ABLIM1: variants seen among roughly 807,000 people sequenced by gnomAD.
The protein encoded by ABLIM1 is actin binding LIM protein 1.
Under a neutral mutation model 107.0 loss-of-function variants are expected in ABLIM1, and 40 were observed. The ratio of observed to expected loss-of-function variants is 0.37; its 90% CI spans 0.29 to 0.49. ABLIM1 has a LOEUF of 0.49. ABLIM1 is among the 20% of genes least tolerant of loss of function. ABLIM1 has a pLI of 0.97. For synonymous variants in ABLIM1, 357 were observed against 357.3 expected (o/e 1.00, Z 0.01); for missense variants, 857 against 1,008.5 (o/e 0.85, Z 2.04).
chr10:114,641,913 C>CA (rs2078771219), intron 1 of ABLIM1, among the ~76,000 whole-genome samples: 1 of 148,156 alleles, frequency 6.7e-6, no homozygotes, highest in Non-Finnish European at 1.5e-5. Flanking sequence ...GACAAGGTAT[C>CA]ACTCTGTTAC....
chr10:114,746,396 A>T (rs2082386042), intron 1 of ABLIM1, among the ~76,000 whole-genome samples: 1 of 152,160 alleles, frequency 6.6e-6, no homozygotes, highest in Admixed American at 6.5e-5. Flanking sequence ...AATTCCATCC[A>T]TATTGTTGCA....
intron 6 of ABLIM1, 105 bp from the exon 7 acceptor site, chr10:114,491,983 G>T (rs2059062513): frequency 3.1e-6 from 3 of 975,162 alleles, no homozygotes; most frequent in Non-Finnish European, 4.5e-6. Flanking sequence ...GCTGAAAAAG[G>T]AAAAATAATT....
At chr10:114,561,857 T>C (rs1212618996) in intron 4 of ABLIM1, among the ~76,000 whole-genome samples, 1 of 152,206 alleles carries the variant, frequency 6.6e-6, no homozygotes, top group Non-Finnish European at 1.5e-5. Context: ...GTTGCACCCA[T>C]TCCCTATAAA....
chr10:114,747,948 G>A (rs936212255), intron 1 of ABLIM1, among the ~76,000 whole-genome samples: 5 of 152,196 alleles, frequency 3.3e-5, no homozygotes, highest in Admixed American at 1.3e-4. Context: ...GCTGAGGCAC[G>A]AGAATCGCTT....
At chr10:114,654,396 A>C (rs1246821342) in intron 1 of ABLIM1, among the ~76,000 whole-genome samples, 4 of 152,218 alleles carry the variant, frequency 2.6e-5, no homozygotes, top group Non-Finnish European at 5.9e-5. Context: ...TGAAATTAAC[A>C]TTTAGTGGAT....
At chr10:114,441,624 A>G in intron 18 of ABLIM1, 98 bp downstream of exon 18, 7 of 1,147,580 alleles carry the variant, frequency 6.1e-6, no homozygotes, top group Non-Finnish European at 9.1e-6. Context: ...TCCAACACTG[A>G]GATCAAGAGT....
intron 6 of ABLIM1, among the ~76,000 whole-genome samples, chr10:114,523,579 G>C (rs2064122270): frequency 6.6e-6 from 1 of 151,556 alleles, no homozygotes; most frequent in Non-Finnish European, 1.5e-5. Context: ...TAATTTCTGG[G>C]CCTTATGAAG....
rs370885136 is a variant in ABLIM1, at chr10:114,468,356, T to C, written c.1276-140A>G. On this transcript the variant is annotated intron_variant, in intron 10 of 22. Coordinates refer to ENST00000533213, the MANE Select transcript of ABLIM1 (RefSeq NM_002313.7). Reference sequence around the variant, plus strand: ...GTGGCGCAATCTCGGTTTACTGCAATCTCCGCCTCCCAGGTTCAAGCGATT... The same window carrying C: ...GTGGCGCAATCTCGGTTTACTGCAACCTCCGCCTCCCAGGTTCAAGCGATT... 588 of 709,550 alleles carry C rather than the reference T, an allele frequency of 8.3e-4. 3 individuals are homozygous for C. The African/African-American group carries it at 8.8e-3, about 11-fold the overall frequency. 44.0% of individuals were successfully genotyped at this position (709,550 alleles called of 1,614,324 possible).
chr10:114,492,634 A>G (rs1005076295), intron 6 of ABLIM1, among the ~76,000 whole-genome samples: 26 of 152,372 alleles, frequency 1.7e-4, no homozygotes, highest in Non-Finnish European at 2.5e-4. Flanking sequence ...CATGCTTGAC[A>G]AGAACAAATC....
chr10:114,654,622 T>C (rs563714137), intron 1 of ABLIM1, among the ~76,000 whole-genome samples: 63 of 152,210 alleles, frequency 4.1e-4, no homozygotes, highest in African/African-American at 1.4e-3. Context: ...AGGTTCTCAT[T>C]TAGTTCTCAT....
chr10:114,651,608 G>T (rs1482920343), intron 1 of ABLIM1, among the ~76,000 whole-genome samples: 1 of 152,092 alleles, frequency 6.6e-6, no homozygotes, highest in Non-Finnish European at 1.5e-5. Flanking sequence ...AGCTTGAAAC[G>T]TATGATTCTG....
At chr10:114,517,932 C>T (rs1198886278) in intron 6 of ABLIM1, among the ~76,000 whole-genome samples, 4 of 152,006 alleles carry the variant, frequency 2.6e-5, no homozygotes, top group Admixed American at 6.6e-5. Context: ...ACGAACAAGA[C>T]ATCATCTGTG....
the ABLIM1 span, among the ~76,000 whole-genome samples, chr10:114,789,072 T>C: frequency 8.2e-4 from 125 of 152,132 alleles, no homozygotes; most frequent in South Asian, 9.6e-3. Context: ...CTGGTCAATA[T>C]GGTGAAACCC....
At chr10:114,549,846 C>T (rs1274159924) in intron 4 of ABLIM1, among the ~76,000 whole-genome samples, 1 of 152,118 alleles carries the variant, frequency 6.6e-6, no homozygotes, top group African/African-American at 2.4e-5. Flanking sequence ...GTAAAAAAAG[C>T]AGGCCATAGA....
At chr10:114,654,882 G>C (rs1566185173) in intron 1 of ABLIM1, among the ~76,000 whole-genome samples, 1 of 152,210 alleles carries the variant, frequency 6.6e-6, no homozygotes, top group East Asian at 1.9e-4. Context: ...TTGGGGCCCT[G>C]GAGCTGGCTC....
chr10:114,512,650 C>T (rs2062045894), intron 6 of ABLIM1, among the ~76,000 whole-genome samples: 1 of 152,080 alleles, frequency 6.6e-6, no homozygotes, highest in Non-Finnish European at 1.5e-5. Flanking sequence ...CATGATGAAA[C>T]CCTGTCTCTA....
At chr10:114,567,892 T>TA (rs2070994121) in intron 4 of ABLIM1, among the ~76,000 whole-genome samples, 1 of 152,138 alleles carries the variant, frequency 6.6e-6, no homozygotes, top group South Asian at 2.1e-4. Flanking sequence ...GATTCACATT[T>TA]AAAAAAGGCT....
intron 6 of ABLIM1, among the ~76,000 whole-genome samples, chr10:114,539,713 A>G (rs2137274173): frequency 6.6e-6 from 1 of 152,278 alleles, no homozygotes; most frequent in African/African-American, 2.4e-5. Flanking sequence ...GTACCCTGGA[A>G]AGGATGTCTG....
chr10:114,436,218 C>T lies in ABLIM1; in HGVS notation c.*42G>A. ...CAATATGACATCCTATGGGGCACCGCCACTGTCAGTCCTTTCTCTAATTGC... is the reference window on the plus strand; with the variant it reads ...CAATATGACATCCTATGGGGCACCGTCACTGTCAGTCCTTTCTCTAATTGC... On this transcript the variant is annotated 3_prime_UTR_variant, in exon 23 of 23. Coordinates refer to ENST00000533213, the MANE Select transcript of ABLIM1 (RefSeq NM_002313.7). 6.5e-7 allele frequency: 1 copy of T among 1,530,462 alleles called. No homozygotes were observed. The highest frequency in any genetic ancestry group is 9.0e-7 in the Non-Finnish European group (1 of 1,106,840). The allele number at this position is 1,530,462 out of a possible 1,614,324, so 94.8% of individuals were successfully genotyped here.
Sources: allele counts gnomAD v4.1 joint callset (sites outside exome capture counted in the v4.1 genomes callset), GRCh38; gene constraint gnomAD v4.1.1; transcripts MANE v1.5; gene names NCBI Gene and HGNC (gene_info 2026-07-23, HGNC 2026-07-21).